ENPP1: variants seen among roughly 807,000 people sequenced by gnomAD.
The protein encoded by ENPP1 is ectonucleotide pyrophosphatase/phosphodiesterase family member 1.
Under a neutral mutation model 122.8 loss-of-function variants are expected in ENPP1, and 73 were observed. The observed-to-expected ratio is 0.59, with a 90% CI of 0.49 to 0.72. The LOEUF is 0.72. Ranked by LOEUF, ENPP1 falls within the 30% of genes least tolerant of loss-of-function variation. The pLI is 0.00. For synonymous variants in ENPP1, 367 were observed against 391.6 expected (o/e 0.94, Z 0.74); for missense variants, 978 against 1,128.1 (o/e 0.87, Z 1.91).
At chr6:131,819,939 C>CTT (rs35498599) in intron 1 of ENPP1, 10,432 of 437,800 alleles carry the variant, frequency 0.024, 1 homozygote, top group South Asian at 0.037. Flanking sequence ...TCCATAGCTT[C>CTT]TTTTTTTTTT....
Position 131,882,475 on chromosome 6 carries a change from G to T in ENPP1, c.2230+1G>T. ...AGTTACGGGTTCCTCTCCCCACCAC[G>T]TAAGTTTTTTCCTCTCCTGACCTTC... On this transcript the variant is annotated splice_donor_variant, in intron 21 of 24. Transcript: ENST00000647893. LOFTEE classifies it high-confidence loss of function. 6.2e-7 allele frequency: 1 copy of T among 1,603,046 alleles called. No homozygotes were observed. Among genetic ancestry groups the T allele is most frequent in the Non-Finnish European group, 8.5e-7 (1 of 1,173,344 alleles).
intron 17 of ENPP1, among the ~76,000 whole-genome samples, 179 bp from the exon 18 acceptor site, chr6:131,876,813 C>A (rs1167277549): frequency 2.6e-5 from 4 of 152,062 alleles, no homozygotes; most frequent in Non-Finnish European, 5.9e-5. Flanking sequence ...ATCAGTATTT[C>A]TATTAAAAAT....
At chr6:131,879,744 T>G (rs539886422) in intron 19 of ENPP1, 136 bp from the exon 20 acceptor site, 1 of 768,296 alleles carries the variant, frequency 1.3e-6, no homozygotes, top group South Asian at 1.7e-5. Flanking sequence ...TTCTACCCTT[T>G]GTAATCAGTT....
At chr6:131,832,381 T>C (rs1327941520) in intron 1 of ENPP1, among the ~76,000 whole-genome samples, 1 of 152,174 alleles carries the variant, frequency 6.6e-6, no homozygotes, top group Non-Finnish European at 1.5e-5. Flanking sequence ...GACATCTCCC[T>C]TTCTCCAATG....
chr6:131,882,017 T>TAA (rs1379428301), intron 20 of ENPP1, among the ~76,000 whole-genome samples: 1 of 147,114 alleles, frequency 6.8e-6, no homozygotes, highest in Admixed American at 6.9e-5. Flanking sequence ...GACTCCATCT[T>TAA]AAAAAAATAA....
chr6:131,879,128 G>C (rs1264720406), intron 19 of ENPP1, among the ~76,000 whole-genome samples: 1 of 151,914 alleles, frequency 6.6e-6, no homozygotes, highest in Non-Finnish European at 1.5e-5. Context: ...TTTTCTACTA[G>C]AATAAAGAGG....
At position 131,869,442 on chromosome 6, in the gene ENPP1, C is replaced by T; in HGVS notation, c.1358C>T (p.Pro453Leu). 1 of 1,612,902 alleles carries T rather than the reference C, an allele frequency of 6.2e-7. No individual in the cohort carries two copies. Among genetic ancestry groups the T allele is most frequent in the South Asian group, 1.1e-5 (1 of 91,048 alleles). ...DVKNIKVIYG[P>L]AARLRPSDVP... ...AAAAATATTAAAGTTATCTATGGACCTGCAGCTCGATTGAGACCCTCTGAT... is the reference window on the plus strand; with the variant it reads ...AAAAATATTAAAGTTATCTATGGACTTGCAGCTCGATTGAGACCCTCTGAT... The change falls in exon 13 of 25, where the codon CCT becomes CTT. Residue 453 changes from proline to leucine, a missense_variant. Transcript: ENST00000647893.
chr6:131,851,448 T>C, intron 4 of ENPP1, 181 bp downstream of exon 4: 3 of 632,022 alleles, frequency 4.7e-6, no homozygotes, highest in Non-Finnish European at 5.5e-6. Context: ...GGAGAGAGAG[T>C]ATGTAATGAA....
rs769817644 is a variant in ENPP1, at chr6:131,860,518, G to C, written c.915+12G>C. 1 of 1,575,924 alleles carries C rather than the reference G, an allele frequency of 6.3e-7. No individual in the cohort carries two copies. The highest frequency in any genetic ancestry group is 1.1e-5 in the South Asian group (1 of 90,018). ...ACAAAGGAGAACCAGTGAGTTCTTT[G>C]TTTTTCTACTAAAATAGTTAATTAT... is the stretch of plus-strand genomic sequence containing the variant. On this transcript the variant is annotated intron_variant, in intron 8 of 24. Coordinates refer to ENST00000647893, the MANE Select transcript of ENPP1 (RefSeq NM_006208.3).
intron 1 of ENPP1, among the ~76,000 whole-genome samples, chr6:131,829,902 TC>T (rs915794914): frequency 6.6e-6 from 1 of 152,182 alleles, no homozygotes; most frequent in Admixed American, 6.5e-5. Flanking sequence ...CCTCCCACCC[TC>T]CAATGTTCTC....
chr6:131,824,878 G>C (rs62424474), intron 1 of ENPP1, among the ~76,000 whole-genome samples: 55,150 of 151,866 alleles, frequency 0.36, 10,514 homozygotes, highest in East Asian at 0.45. Context: ...TGGGCAACAT[G>C]GTGAAACCCC....
intron 16 of ENPP1, among the ~76,000 whole-genome samples, chr6:131,874,951 TAACTC>T (rs1282753341): frequency 2.6e-5 from 4 of 152,030 alleles, no homozygotes; most frequent in African/African-American, 9.7e-5. Flanking sequence ...CTTAGTGAAA[TAACTC>T]AAACAAAAAG....
intron 19 of ENPP1, 102 bp from the exon 20 acceptor site, chr6:131,879,777 CT>C: frequency 9.4e-7 from 1 of 1,065,472 alleles, no homozygotes; most frequent in Non-Finnish European, 1.4e-6. Flanking sequence ...AAAAGTAAAT[CT>C]TCAATATAAT....
chr6:131,832,369 C>T (rs1344897426), intron 1 of ENPP1, among the ~76,000 whole-genome samples: 2 of 152,182 alleles, frequency 1.3e-5, no homozygotes, highest in African/African-American at 2.4e-5. Context: ...GATTAGTTTT[C>T]AGACATCTCC....
intron 1 of ENPP1, among the ~76,000 whole-genome samples, chr6:131,819,474 A>T (rs1781457138): frequency 6.6e-6 from 1 of 152,232 alleles, no homozygotes; most frequent in South Asian, 2.1e-4. Context: ...TATATTCTTC[A>T]GATTCAGTTT....
intron 1 of ENPP1, among the ~76,000 whole-genome samples, chr6:131,818,771 A>G (rs1439212149): frequency 6.6e-6 from 1 of 152,246 alleles, no homozygotes; most frequent in African/African-American, 2.4e-5. Context: ...TGCATACTGA[A>G]GTACTGTTTT....
chr6:131,836,414 G>T (rs1040549231), intron 1 of ENPP1, among the ~76,000 whole-genome samples: 2 of 119,352 alleles, frequency 1.7e-5, no homozygotes, highest in East Asian at 4.3e-4. Flanking sequence ...ACACCCAGCC[G>T]AGTGTGTGTG....
intron 1 of ENPP1, among the ~76,000 whole-genome samples, chr6:131,832,776 C>G (rs1005489937): frequency 6.6e-6 from 1 of 152,132 alleles, no homozygotes; most frequent in Non-Finnish European, 1.5e-5. Context: ...TAGGGCCTCC[C>G]CATGTGGTCT....
chr6:131,827,687 ATCT>A, intron 1 of ENPP1: 1 of 655,682 alleles, frequency 1.5e-6, no homozygotes, highest in Non-Finnish European at 2.8e-6. Context: ...TGCATGCGGA[ATCT>A]TCTCACTTTT....
Sources: allele counts gnomAD v4.1 joint callset (sites outside exome capture counted in the v4.1 genomes callset), GRCh38; gene constraint gnomAD v4.1.1; transcripts MANE v1.5; gene names NCBI Gene and HGNC (gene_info 2026-07-23, HGNC 2026-07-21).